The following TNFRSF19 variants were observed in gnomAD, a reference collection of about 807,000 sequenced individuals.
TNFRSF19 encodes tumor necrosis factor receptor superfamily member 19.
In TNFRSF19, 27 loss-of-function variants were observed where a neutral mutation model predicts 46.4. That is an observed-to-expected ratio of 0.58 (90% CI 0.43 to 0.80). The LOEUF (loss-of-function observed/expected upper bound fraction) is 0.80, where lower values mean the gene tolerates loss of function less well. Among genes scored for constraint, TNFRSF19 ranks in the 30% least tolerant of loss-of-function variants. The pLI is 0.00. For missense variants in TNFRSF19, 511 were observed against 530.8 expected (o/e 0.96, Z 0.37); for synonymous variants, 204 against 205.0 (o/e 1.00, Z 0.04).
intron 1 of TNFRSF19, among the ~76,000 whole-genome samples, chr13:23,574,644 T>C (rs1023106131): frequency 2.0e-5 from 3 of 152,206 alleles, no homozygotes; most frequent in South Asian, 4.1e-4. Flanking sequence ...CTTTCTGTGA[T>C]GGCAAGGCCA....
At chr13:23,629,786 A>G (rs1307323459) in intron 5 of TNFRSF19, among the ~76,000 whole-genome samples, 3 of 152,188 alleles carry the variant, frequency 2.0e-5, no homozygotes, top group Non-Finnish European at 4.4e-5. Context: ...ATGACTGTCT[A>G]CCTGCTGGCC....
intron 5 of TNFRSF19, among the ~76,000 whole-genome samples, chr13:23,635,955 T>C (rs765251674): frequency 2.4e-4 from 36 of 152,218 alleles, no homozygotes; most frequent in Middle Eastern, 3.2e-3. Flanking sequence ...TATGTAATCA[T>C]TTCCCCCATC....
At chr13:23,651,942 C>T (rs1178143567) in intron 5 of TNFRSF19, among the ~76,000 whole-genome samples, 3 of 122,576 alleles carry the variant, frequency 2.4e-5, no homozygotes, top group Admixed American at 9.9e-5. Context: ...GTCAAACTAA[C>T]CTGAGCTCAG....
At chr13:23,614,742 A>AATATATAT (rs1881143387) in intron 3 of TNFRSF19, among the ~76,000 whole-genome samples, 1 of 75,278 alleles carries the variant, frequency 1.3e-5, no homozygotes, top group East Asian at 3.6e-4. Context: ...GTGGATAAGT[A>AATATATAT]ATACATATAT....
At chr13:23,593,663 A>G (rs1053220836) in intron 3 of TNFRSF19, among the ~76,000 whole-genome samples, 1 of 152,242 alleles carries the variant, frequency 6.6e-6, no homozygotes, top group African/African-American at 2.4e-5. Flanking sequence ...TCTCAAACCC[A>G]GAATTCAACA....
At chr13:23,589,520 A>G (rs1593235606) in intron 1 of TNFRSF19, among the ~76,000 whole-genome samples, 1 of 152,170 alleles carries the variant, frequency 6.6e-6, no homozygotes, top group African/African-American at 2.4e-5. Flanking sequence ...TTAATAGCAC[A>G]TTGTCTGTCA....
At chr13:23,663,280 G>GT (rs1408007390) in intron 7 of TNFRSF19, among the ~76,000 whole-genome samples, 1 of 152,074 alleles carries the variant, frequency 6.6e-6, no homozygotes, top group African/African-American at 2.4e-5. Context: ...TAATCATGTG[G>GT]TTTTGTCTTT....
intron 5 of TNFRSF19, among the ~76,000 whole-genome samples, chr13:23,658,128 C>T (rs1347779394): frequency 6.6e-6 from 1 of 152,146 alleles, no homozygotes; most frequent in Non-Finnish European, 1.5e-5. Context: ...TTTAACTGCA[C>T]TAGATATAGA....
chr13:23,591,787 G>A (rs1435648060), intron 2 of TNFRSF19, among the ~76,000 whole-genome samples: 1 of 148,958 alleles, frequency 6.7e-6, no homozygotes, highest in African/African-American at 2.5e-5. Flanking sequence ...GTGCAGTGGT[G>A]CGATCTTGGC....
intron 3 of TNFRSF19, among the ~76,000 whole-genome samples, chr13:23,599,304 A>G (rs1185853399): frequency 1.3e-5 from 2 of 152,224 alleles, no homozygotes; most frequent in African/African-American, 4.8e-5. Context: ...GCCCAAGAGG[A>G]AAATAGACTG....
At chr13:23,644,283 C>T (rs776737921) in intron 5 of TNFRSF19, among the ~76,000 whole-genome samples, 9 of 152,176 alleles carry the variant, frequency 5.9e-5, no homozygotes, top group Admixed American at 1.3e-4. Context: ...TCGTAGTTCC[C>T]ATAATCTCCA....
At position 23,640,695 on chromosome 13, in the gene TNFRSF19, A is replaced by T. The variant is rs576165945; in HGVS notation, c.445+13903A>T. Among the ~76,000 whole-genome samples, 3 of 152,338 alleles carry T rather than the reference A, an allele frequency of 2.0e-5. No homozygotes were observed. In the South Asian group the frequency reaches 6.2e-4, roughly 32 times the overall value. On this transcript the variant is annotated intron_variant, in intron 5 of 9. Transcript: ENST00000248484. The stretch of plus-strand genomic sequence containing the variant: ...ACCAATCCATTCTTTGAATGAATTA[A>T]ATCAAATTGGCTTGTCTACAAAGAG...
Position 23,626,696 on chromosome 13 carries a change from T to G in TNFRSF19, c.360-11T>G. 6.2e-7 allele frequency: 1 copy of G among 1,613,760 alleles called. No homozygotes were observed. The highest frequency in any genetic ancestry group is 1.3e-5 in the African/African-American group (1 of 75,042). ...AAGAGTTAACAAGGAGTATTTTCCT[T>G]TCTCTTCTAGATTTTATAGGAAGAC... On this transcript the variant is annotated splice_polypyrimidine_tract_variant and intron_variant, in intron 4 of 9. Coordinates refer to ENST00000248484, the MANE Select transcript of TNFRSF19 (RefSeq NM_148957.4).
intron 5 of TNFRSF19, among the ~76,000 whole-genome samples, chr13:23,642,224 C>G (rs543693179): frequency 6.6e-6 from 1 of 152,292 alleles, no homozygotes; most frequent in Non-Finnish European, 1.5e-5. Flanking sequence ...ACACATGCAT[C>G]AACAATTAGT....
At chr13:23,671,780 G>A (rs780093412) in intron 9 of TNFRSF19, among the ~76,000 whole-genome samples, 3 of 152,350 alleles carry the variant, frequency 2.0e-5, no homozygotes, top group Admixed American at 6.5e-5. Flanking sequence ...GAGCCCAGGA[G>A]TTTGAGGCTT....
At chr13:23,638,205 G>A (rs542147411) in intron 5 of TNFRSF19, among the ~76,000 whole-genome samples, 2 of 152,328 alleles carry the variant, frequency 1.3e-5, no homozygotes, top group East Asian at 1.9e-4. Flanking sequence ...CATCCTTGCG[G>A]GTAGGGAAGG....
chr13:23,638,082 C>A (rs1882801051), intron 5 of TNFRSF19, among the ~76,000 whole-genome samples: 2 of 115,802 alleles, frequency 1.7e-5, no homozygotes, highest in African/African-American at 2.8e-5. Context: ...TAATGTGTTT[C>A]TTTTATGGTG....
At chr13:23,614,475 G>T (rs1360870470) in intron 3 of TNFRSF19, among the ~76,000 whole-genome samples, 4 of 152,134 alleles carry the variant, frequency 2.6e-5, no homozygotes, top group East Asian at 3.9e-4. Flanking sequence ...GAAAAAATGG[G>T]AATGTTGAAC....
chr13:23,671,935 A>G (rs1951767905), intron 9 of TNFRSF19, among the ~76,000 whole-genome samples: 1 of 152,198 alleles, frequency 6.6e-6, no homozygotes, highest in Admixed American at 6.5e-5. Flanking sequence ...TGTTAATTTT[A>G]TCCATTCCAC....
Sources: allele counts gnomAD v4.1 joint callset (sites outside exome capture counted in the v4.1 genomes callset), GRCh38; gene constraint gnomAD v4.1.1; transcripts MANE v1.5; gene names NCBI Gene and HGNC (gene_info 2026-07-23, HGNC 2026-07-21).